The following HSPB7 variants were observed in gnomAD, a reference collection of about 807,000 sequenced individuals.
HSPB7 encodes the protein heat shock protein family B (small) member 7, also known as heat shock protein beta-7.
A neutral mutation model predicts 11.0 loss-of-function variants in HSPB7; 9 were observed. The ratio of observed to expected loss-of-function variants is 0.82; its 90% CI spans 0.49 to 1.43. The LOEUF (loss-of-function observed/expected upper bound fraction) is 1.43, where lower values mean the gene tolerates loss of function less well. Among genes scored for constraint, HSPB7 ranks in the 40% most tolerant of loss-of-function variants. The pLI, the probability that HSPB7 is intolerant of heterozygous loss-of-function variation, is 0.00. For synonymous variants in HSPB7, 102 were observed against 101.6 expected (o/e 1.00, Z -0.02); for missense variants, 246 against 243.9 (o/e 1.01, Z -0.06).
chr1:16,017,464 C>T, intron 1 of HSPB7: 2 of 585,984 alleles, frequency 3.4e-6, no homozygotes, highest in Non-Finnish European at 5.9e-6. Context: ...TGGGGGCTGC[C>T]CCCCACCGCT....
chr1:16,015,558 G>T lies in HSPB7; in HGVS notation c.*22C>A. On this transcript the variant is annotated 3_prime_UTR_variant, in exon 3 of 3. Transcript: ENST00000311890. The surrounding 1 kb of genome is among the most constrained non-coding windows in gnomAD (Gnocchi z 4.9). ...CTGGCAGGCGTGGGGCGGGGGGACA[G>T]GGAAAGGGAAGGGAGAGGCACTCAG... is the stretch of plus-strand genomic sequence containing the variant. The T allele has an allele frequency of 6.2e-7, 1 of 1,612,350 alleles. No individual in the cohort carries two copies. Among genetic ancestry groups the T allele is most frequent in the South Asian group, 1.1e-5 (1 of 90,980 alleles).
rs34035811 is a variant in HSPB7, at chr1:16,014,348, TC to T, written c.*1231del. The T allele has an allele frequency of 0.71, 107,520 of 151,468 alleles. 38,537 individuals are homozygous for T. The highest frequency in any genetic ancestry group is 0.97 in the East Asian group (4,966 of 5,094). The allele number at this position is 151,468 out of a possible 1,614,324, so 9.4% of individuals were successfully genotyped here. A position where few individuals can be genotyped will look rare whatever the true frequency, so the allele number is the denominator to read the frequency against. ...GGGAGATGGGGGCTTTTCCTATGAC[TC>T]CCCCCCATCCCCCAGCTGGAAGACG... On this transcript the variant is annotated 3_prime_UTR_variant, in exon 3 of 3. Transcript: ENST00000311890.
Position 16,017,815 on chromosome 1 carries a change from T to G in HSPB7, c.149A>C (p.Asp50Ala), listed in dbSNP as rs892849133. The change falls in exon 1 of 3, where the codon GAT (aspartate) becomes GCT (alanine). Residue 50 changes from aspartate (D) to alanine (A), a missense_variant. Physicochemically the swap from Asp to Ala is moderately radical, Grantham distance 126 (BLOSUM62 -2). Transcript: ENST00000311890. ...GGGCCGCATGAAGCTGCCAAAGTCA[T>G]CGGAAAACATGCTCAGGGCCTTCTC... ...PMEKALSMFS[D>A]DFGSFMRPHS... 6.2e-6 allele frequency: 10 copies of G among 1,613,256 alleles called. No individual in the cohort carries two copies. The Admixed American group carries it at 6.7e-5, about 11-fold the overall frequency.
chr1:16,016,973 A>C, intron 2 of HSPB7, 101 bp downstream of exon 2: 101 of 1,164,298 alleles, frequency 8.7e-5, no homozygotes, highest in Non-Finnish European at 1.2e-4. Flanking sequence ...GGGAAGGGAC[A>C]CTGGCCAGGG....
intron 1 of HSPB7, 186 bp from the exon 2 acceptor site, chr1:16,017,393 C>A: frequency 1.4e-6 from 1 of 708,428 alleles, no homozygotes. Context: ...GGGCCTCACC[C>A]AGCACAGTGT....
Position 16,015,867 on chromosome 1 carries a change from G to T in HSPB7, c.334-108C>A. ...TAACCCCAGCCAGACCCCACATGCC[G>T]AGGGGCTCTGCCCTCAGGTGCCGAG... On this transcript the variant is annotated intron_variant, in intron 2 of 2. Transcript: ENST00000311890. The surrounding 1 kb of genome is among the most constrained non-coding windows in gnomAD (Gnocchi z 4.9). The T allele has an allele frequency of 9.2e-7, 1 of 1,084,344 alleles. No homozygotes were observed. Among genetic ancestry groups the T allele is most frequent in the Non-Finnish European group, 1.3e-6 (1 of 769,444 alleles). The allele number at this position is 1,084,344 out of a possible 1,614,324, so 67.2% of individuals were successfully genotyped here. A position where few individuals can be genotyped will look rare whatever the true frequency, so the allele number is the denominator to read the frequency against.
rs768245961 is a variant in HSPB7 at position 16,015,676 on chromosome 1, C to T, written c.417G>A (p.Ser139=). Residue 139 remains serine, a synonymous_variant, in exon 3 of 3, where the codon TCG becomes TCA. Transcript: ENST00000311890. The surrounding 1 kb of genome is among the most constrained non-coding windows in gnomAD (Gnocchi z 4.9). ...TGAGGCTGCCGTCCTCCCGCAGAGC[C>T]GAGGTCACCGACGTCGGGTCCACGT... ...PEDVDPTSVT[S]ALREDGSLTI... The T allele has an allele frequency of 7.4e-6, 12 of 1,613,472 alleles. No individual in the cohort carries two copies. Among genetic ancestry groups the T allele is most frequent in the African/African-American group, 1.3e-5 (1 of 75,026 alleles).
chr1:16,017,690 C>T (rs953560759), intron 1 of HSPB7, 75 bp downstream of exon 1: 12 of 1,286,280 alleles, frequency 9.3e-6, no homozygotes, highest in Middle Eastern at 2.1e-4. Flanking sequence ...GCAGCCACAG[C>T]GCCTTCGGTG....
Position 16,015,541 on chromosome 1 carries a change from C to G in HSPB7, c.*39G>C, listed in dbSNP as rs773017695. 1.5e-5 allele frequency: 24 copies of G among 1,597,506 alleles called. No homozygotes were observed. The African/African-American group carries it at 2.6e-4, about 17-fold the overall frequency. ...GGGTTAGCGAGGCTTTGCTGGCAGG[C>G]GTGGGGCGGGGGGACAGGGAAAGGG... On this transcript the variant is annotated 3_prime_UTR_variant, in exon 3 of 3. Coordinates refer to ENST00000311890, the MANE Select transcript of HSPB7 (RefSeq NM_014424.5). The surrounding 1 kb of genome is among the most constrained non-coding windows in gnomAD (Gnocchi z 4.9).
chr1:16,017,255 C>T (rs774122126), intron 1 of HSPB7, 48 bp from the exon 2 acceptor site: 67 of 1,593,874 alleles, frequency 4.2e-5, no homozygotes, highest in Non-Finnish European at 5.7e-5. Context: ...GCCTTGCATG[C>T]AGATCCGGGG....
rs769320597 is a variant in HSPB7, at chr1:16,017,996, C to T, written c.-33G>A. On this transcript the variant is annotated 5_prime_UTR_variant, in exon 1 of 3. Transcript: ENST00000311890. ...CGGCGCCGGGCCCTGCCCAGGCGGG[C>T]GAGGGCTGGACAGGAGAGGGTGTGG... 20 of 1,612,314 alleles carry T rather than the reference C, an allele frequency of 1.2e-5. No individual in the cohort carries two copies. The highest frequency in any genetic ancestry group is 1.7e-4 in the Middle Eastern group (1 of 6,028).
At chr1:16,018,143 A>AG, upstream of HSPB7, 1 of 1,542,668 alleles carries the variant, frequency 6.5e-7, no homozygotes, top group Non-Finnish European at 8.8e-7. Flanking sequence ...CATGGCCCAG[A>AG]GGGGGCTGGA....
rs111660574 is a variant in HSPB7 at position 16,015,311 on chromosome 1, T to G, written c.*269A>C. 0.017 allele frequency: 7,493 copies of G among 444,138 alleles called. 502 individuals are homozygous for G. The highest frequency in any genetic ancestry group is 0.14 in the African/African-American group (6,767 of 48,938). The allele number at this position is 444,138 out of a possible 1,614,324, so 27.5% of individuals were successfully genotyped here. On this transcript the variant is annotated 3_prime_UTR_variant, in exon 3 of 3. Coordinates refer to ENST00000311890, the MANE Select transcript of HSPB7 (RefSeq NM_014424.5). This position sits in a 1 kb window ranked among gnomAD's most constrained non-coding sequence, Gnocchi z 4.9. ...CCTGACCCACAGTGGGTTCTTTAGATCTTCCTTCCCTGACCCCAGCCCCTG... is the reference window on the plus strand; with the variant it reads ...CCTGACCCACAGTGGGTTCTTTAGAGCTTCCTTCCCTGACCCCAGCCCCTG...
Position 16,015,403 on chromosome 1 carries a change from C to T in HSPB7, c.*177G>A. ...CATCATGTGTCAGGCCAGGGAGTCC[C>T]TGGCCTGCCCTGGATAGAGTGGAGG... On this transcript the variant is annotated 3_prime_UTR_variant, in exon 3 of 3. Coordinates refer to ENST00000311890, the MANE Select transcript of HSPB7 (RefSeq NM_014424.5). The surrounding 1 kb of genome is among the most constrained non-coding windows in gnomAD (Gnocchi z 4.9). 1.7e-6 allele frequency: 1 copy of T among 594,634 alleles called. No individual in the cohort carries two copies. Among genetic ancestry groups the T allele is most frequent in the Non-Finnish European group, 3.0e-6 (1 of 338,466 alleles). The allele number at this position is 594,634 out of a possible 1,614,324, so 36.8% of individuals were successfully genotyped here.
Position 16,017,171 on chromosome 1 carries a change from C to T in HSPB7, c.236G>A (p.Gly79Glu). The change falls in exon 2 of 3, where the codon GGA becomes GAA. Residue 79 changes from glycine (G) to glutamate (E), a missense_variant. Gly to Glu is a moderately conservative substitution (Grantham distance 98, BLOSUM62 -2). Coordinates refer to ENST00000311890, the MANE Select transcript of HSPB7 (RefSeq NM_014424.5). Reference protein sequence around the residue: ...PGGAGNIKTLGDAYEFAVDVR... With the variant: ...PGGAGNIKTLEDAYEFAVDVR... ...GTCCACCGCAAACTCATAGGCGTCT[C>T]CTAGGGTCTTGATGTTGCCTGCCCC... The T allele has an allele frequency of 6.2e-7, 1 of 1,613,814 alleles. No homozygotes were observed. Among genetic ancestry groups the T allele is most frequent in the South Asian group, 1.1e-5 (1 of 91,072 alleles).
chr1:16,017,345 C>T (rs2021818163), intron 1 of HSPB7, 138 bp from the exon 2 acceptor site: 2 of 1,136,184 alleles, frequency 1.8e-6, no homozygotes, highest in South Asian at 1.5e-5. Flanking sequence ...CTAAGCTCCT[C>T]CTCATTCCTA....
At position 16,015,903 on chromosome 1, in the gene HSPB7, G is replaced by C. The variant is rs1474338816; in HGVS notation, c.334-144C>G. The stretch of plus-strand genomic sequence containing the variant: ...CCCTCAGGTGCCGAGGGGCTGCCCA[G>C]GGTGGTGATGGCCACAGGCCAAAGG... On this transcript the variant is annotated intron_variant, in intron 2 of 2. Coordinates refer to ENST00000311890, the MANE Select transcript of HSPB7 (RefSeq NM_014424.5). The surrounding 1 kb of genome is among the most constrained non-coding windows in gnomAD (Gnocchi z 4.9). 1.3e-5 allele frequency: 10 copies of C among 765,830 alleles called. No individual in the cohort carries two copies. The highest frequency in any genetic ancestry group is 2.1e-5 in the Non-Finnish European group (10 of 487,318). The allele number at this position is 765,830 out of a possible 1,614,324, so 47.4% of individuals were successfully genotyped here.
Position 16,017,877 on chromosome 1 carries a change from CGAG to C in HSPB7, c.84_86del (p.Ser29del). 6.2e-7 allele frequency: 1 copy of C among 1,613,812 alleles called. No individual in the cohort carries two copies. Among genetic ancestry groups the C allele is most frequent in the Non-Finnish European group, 8.5e-7 (1 of 1,179,832 alleles). On this transcript the variant is annotated inframe_deletion, in exon 1 of 3. Transcript: ENST00000311890. Reference sequence around the variant, plus strand: ...CCTGGGCCGGGAGAGCACGGGAGGCCGAGGAGGAGGTGGAAGAGGAGGAGGAAG... The same window carrying C: ...CCTGGGCCGGGAGAGCACGGGAGGCCGAGGAGGTGGAAGAGGAGGAGGAAG...
chr1:16,016,553 G>A (rs994940434), intron 2 of HSPB7, among the ~76,000 whole-genome samples: 1 of 152,182 alleles, frequency 6.6e-6, no homozygotes, highest in African/African-American at 2.4e-5. Flanking sequence ...AAACTGCAGG[G>A]CCCCTGCCCA....
Sources: allele counts gnomAD v4.1 joint callset (sites outside exome capture counted in the v4.1 genomes callset), GRCh38; gene constraint gnomAD v4.1.1; non-coding constraint Gnocchi (gnomAD v3.1); transcripts MANE v1.5; gene names NCBI Gene and HGNC (gene_info 2026-07-23, HGNC 2026-07-21).